The following MGAT3 variants were observed in gnomAD, a reference collection of about 807,000 sequenced individuals.
MGAT3 encodes GlcNAc-T III.
A neutral mutation model predicts 29.8 loss-of-function variants in MGAT3; 9 were observed. The observed-to-expected ratio is 0.30, with a 90% CI of 0.18 to 0.53. The LOEUF is 0.53. Among genes scored for constraint, MGAT3 ranks in the 20% least tolerant of loss-of-function variants. The pLI is 0.96. For missense variants in MGAT3, 557 were observed against 769.5 expected (o/e 0.72, Z 3.27); for synonymous variants, 397 against 348.9 (o/e 1.14, Z -1.54).
chr22:39,467,517 G>A (rs1928683046), intron 1 of MGAT3, among the ~76,000 whole-genome samples: 1 of 151,546 alleles, frequency 6.6e-6, no homozygotes, highest in Admixed American at 6.6e-5. Context: ...AAGAAGGTAG[G>A]AGTGGGCAGG....
intron 1 of MGAT3, among the ~76,000 whole-genome samples, chr22:39,459,072 C>CTTTT (rs3043636): frequency 2.1e-5 from 3 of 141,304 alleles, no homozygotes; most frequent in Non-Finnish European, 3.1e-5. Flanking sequence ...CTTTTCTTTT[C>CTTTT]TTTTTTTTTT....
At chr22:39,470,911 A>G (rs991604492) in intron 1 of MGAT3, among the ~76,000 whole-genome samples, 1 of 152,092 alleles carries the variant, frequency 6.6e-6, no homozygotes, top group Non-Finnish European at 1.5e-5. Flanking sequence ...GACTCCAGAG[A>G]GCTATGGCCC....
At chr22:39,465,336 T>C (rs1271288536) in intron 1 of MGAT3, among the ~76,000 whole-genome samples, 3 of 152,092 alleles carry the variant, frequency 2.0e-5, no homozygotes, top group Admixed American at 2.0e-4. Flanking sequence ...AATGGGTGGG[T>C]TCAGCTGGCC....
chr22:39,464,917 A>AT (rs958651713), intron 1 of MGAT3, among the ~76,000 whole-genome samples: 45 of 144,072 alleles, frequency 3.1e-4, no homozygotes, highest in African/African-American at 8.6e-4. Context: ...CACCTGGCTA[A>AT]TTTTTTTTTT....
chr22:39,481,488 C>G (rs1352066549), intron 1 of MGAT3, among the ~76,000 whole-genome samples: 1 of 152,186 alleles, frequency 6.6e-6, no homozygotes, highest in African/African-American at 2.4e-5. Context: ...TCCTGTCTCC[C>G]CATGTTCCCA....
In MGAT3 at chr22:39,488,995, G is replaced by A; in HGVS notation, c.*46G>A. 1 of 1,543,288 alleles carries A rather than the reference G, an allele frequency of 6.5e-7. No homozygotes were observed. The highest frequency in any genetic ancestry group is 8.7e-7 in the Non-Finnish European group (1 of 1,146,844). On this transcript the variant is annotated 3_prime_UTR_variant, in exon 2 of 2. Transcript: ENST00000341184. Reference sequence around the variant, plus strand: ...TTTGTGACAGGGCGGGGGTGGCGGCGGCCCCTAGCGCTATCTCCCTGCCTC... The same window carrying A: ...TTTGTGACAGGGCGGGGGTGGCGGCAGCCCCTAGCGCTATCTCCCTGCCTC...
At chr22:39,462,651 C>T (rs1484742230) in intron 1 of MGAT3, among the ~76,000 whole-genome samples, 2 of 152,192 alleles carry the variant, frequency 1.3e-5, no homozygotes, top group East Asian at 3.8e-4. Context: ...AGGCCAGGAA[C>T]CCCCTCTCAC....
In MGAT3 at chr22:39,467,126, G is replaced by A. The variant is rs764382915; in HGVS notation, c.-2+9569G>A. On this transcript the variant is annotated intron_variant, in intron 1 of 1. Coordinates refer to ENST00000341184, the MANE Select transcript of MGAT3 (RefSeq NM_002409.5). ...ACATCTCCATCACATATAAACTAGC[G>A]TCTCTTAGGCTGCGCAGTCCTCTAG... is the stretch of plus-strand genomic sequence containing the variant. Among the ~76,000 whole-genome samples, 15 of 152,356 alleles carry A rather than the reference G, an allele frequency of 9.8e-5. No homozygotes were observed. In the East Asian group the frequency reaches 2.3e-3, roughly 23 times the overall value.
In MGAT3 at chr22:39,464,851, C is replaced by T. The variant is rs375577921; in HGVS notation, c.-2+7294C>T. On this transcript the variant is annotated intron_variant, in intron 1 of 1. Coordinates refer to ENST00000341184, the MANE Select transcript of MGAT3 (RefSeq NM_002409.5). ...CTGTAAGCTCTGCCTCCCAGGTTCA[C>T]GCCATTCTCCTACCTCAGCCTCCCA... Among the ~76,000 whole-genome samples the T allele has an allele frequency of 1.4e-3, 218 of 151,522 alleles. 1 individual carries two copies. Among genetic ancestry groups the T allele is most frequent in the African/African-American group, 5.1e-3 (209 of 41,242 alleles).
Position 39,488,007 on chromosome 22 carries a change from G to C in MGAT3, c.660G>C (p.Leu220=), listed in dbSNP as rs1044685488. The change falls in exon 2 of 2, where the codon CTG becomes CTC. Residue 220 remains leucine (L), a synonymous_variant. Coordinates refer to ENST00000341184, the MANE Select transcript of MGAT3 (RefSeq NM_002409.5). ...TCAACGTCAACCACGAGTTCGACCTGCTGGACGTGCGCTTCCACGAGCTGG... is the reference window on the plus strand; with the variant it reads ...TCAACGTCAACCACGAGTTCGACCTCCTGGACGTGCGCTTCCACGAGCTGG... ...NAINVNHEFD[L]LDVRFHELGD... The C allele has an allele frequency of 6.2e-7, 1 of 1,613,194 alleles. No homozygotes were observed. Among genetic ancestry groups the C allele is most frequent in the South Asian group, 1.1e-5 (1 of 91,076 alleles).
chr22:39,458,107 C>T (rs778324914), intron 1 of MGAT3, among the ~76,000 whole-genome samples: 17 of 152,090 alleles, frequency 1.1e-4, no homozygotes, highest in Non-Finnish European at 2.2e-4. Context: ...AGAGGGCCCC[C>T]GGCCATTTAC....
chr22:39,467,716 TGTTTCGTTTTGTTTC>T (rs1444697138), intron 1 of MGAT3, among the ~76,000 whole-genome samples: 2 of 144,488 alleles, frequency 1.4e-5, no homozygotes, highest in Non-Finnish European at 3.1e-5. Flanking sequence ...AGTCTGGATC[TGTTTCGTTTTGTTTC>T]GTTTCGTTTC....
At chr22:39,463,493 A>G (rs1434224093) in intron 1 of MGAT3, among the ~76,000 whole-genome samples, 1 of 152,140 alleles carries the variant, frequency 6.6e-6, no homozygotes, top group Non-Finnish European at 1.5e-5. Context: ...TCCTTCTGCC[A>G]CTGTCCTGGG....
intron 1 of MGAT3, among the ~76,000 whole-genome samples, chr22:39,462,252 C>G (rs1445547240): frequency 1.3e-5 from 2 of 152,334 alleles, no homozygotes; most frequent in East Asian, 3.9e-4. Flanking sequence ...TCAGGGAAGC[C>G]CACATGCTTC....
chr22:39,463,398 C>T (rs1928550864), intron 1 of MGAT3, among the ~76,000 whole-genome samples: 1 of 152,186 alleles, frequency 6.6e-6, no homozygotes, highest in Non-Finnish European at 1.5e-5. Context: ...CCGTGGGCTC[C>T]CAGCAGGGCC....
rs756579057 is a variant in MGAT3, at chr22:39,488,181, G to A, written c.834G>A (p.Pro278=). ...TCTATGTCTTCCTGGACCACTTCCCGCCCGGCGGCCGGCAGGACGGCTGGA... is the reference window on the plus strand; with the variant it reads ...TCTATGTCTTCCTGGACCACTTCCCACCCGGCGGCCGGCAGGACGGCTGGA... ...KVLYVFLDHF[P]PGGRQDGWIA... is the part of the protein sequence containing the mutation. Residue 278 remains proline (P), a synonymous_variant, in exon 2 of 2, where the codon CCG becomes CCA. Coordinates refer to ENST00000341184, the MANE Select transcript of MGAT3 (RefSeq NM_002409.5). The A allele has an allele frequency of 3.2e-5, 51 of 1,612,912 alleles. No individual in the cohort carries two copies. Among genetic ancestry groups the A allele is most frequent in the East Asian group, 1.6e-4 (7 of 44,888 alleles).
Position 39,487,375 on chromosome 22 carries a change from C to T in MGAT3, c.28C>T (p.Leu10Phe). 6.2e-7 allele frequency: 1 copy of T among 1,613,420 alleles called. No individual in the cohort carries two copies. The highest frequency in any genetic ancestry group is 8.5e-7 in the Non-Finnish European group (1 of 1,179,926). Residue 10 changes from leucine to phenylalanine, a missense_variant, in exon 2 of 2, where the codon CTC becomes TTC. Transcript: ENST00000341184. This position sits in a 1 kb window ranked among gnomAD's most constrained non-coding sequence, Gnocchi z 5.7. ...GAAGATGAGACGCTACAAGCTCTTTCTCATGTTCTGTATGGCCGGCCTGTG... is the reference window on the plus strand; with the variant it reads ...GAAGATGAGACGCTACAAGCTCTTTTTCATGTTCTGTATGGCCGGCCTGTG... Reference protein sequence around the residue: MKMRRYKLFLMFCMAGLCLI... With the variant: MKMRRYKLFFMFCMAGLCLI...
intron 1 of MGAT3, among the ~76,000 whole-genome samples, chr22:39,469,876 C>T (rs1034599736): frequency 6.6e-6 from 1 of 152,238 alleles, no homozygotes; most frequent in Non-Finnish European, 1.5e-5. Context: ...CTGAACTCAG[C>T]AGAGCAGGGG....
Position 39,487,604 on chromosome 22 carries a change from C to A in MGAT3, c.257C>A (p.Pro86His), listed in dbSNP as rs773418990. The change falls in exon 2 of 2, where the codon CCC (proline) becomes CAC (histidine). Residue 86 changes from proline (P) to histidine (H), a missense_variant. Around this residue, in one of 3 missense-constraint regions of MGAT3, gnomAD observed 212 missense variants for 228.5 expected, o/e 0.93. Transcript: ENST00000341184. The surrounding 1 kb of genome is among the most constrained non-coding windows in gnomAD (Gnocchi z 5.7). ...SHSPLLQPLP[P>H]SKAAEELHRV... ...TCGCCCCTGCTGCAGCCGCTGCCGC[C>A]CAGCAAGGCGGCCGAGGAGCTCCAC... is the stretch of plus-strand genomic sequence containing the variant. 6.2e-7 allele frequency: 1 copy of A among 1,611,598 alleles called. No homozygotes were observed. The highest frequency in any genetic ancestry group is 1.1e-5 in the South Asian group (1 of 90,984).
Sources: gnomAD v4.1 joint callset for allele counts (sites outside exome capture counted in the v4.1 genomes callset) on GRCh38, gnomAD v4.1.1 for gene constraint, gnomAD v4.1.1 regional missense constraint, Gnocchi (gnomAD v3.1) non-coding constraint, MANE v1.5 for transcripts, NCBI Gene and HGNC (gene_info 2026-07-23, HGNC 2026-07-21) for gene names.